Variants in ADGRB2 observed in about 807,000 individuals in gnomAD.
ADGRB2 encodes the protein brain-specific angiogenesis inhibitor 2.
A neutral mutation model predicts 178.7 loss-of-function variants in ADGRB2; 47 were observed. The ratio of observed to expected loss-of-function variants is 0.26; its 90% CI spans 0.21 to 0.34. The LOEUF (loss-of-function observed/expected upper bound fraction) is 0.34, where lower values mean the gene tolerates loss of function less well. Ranked by LOEUF, ADGRB2 falls within the 10% of genes least tolerant of loss-of-function variation. The probability of loss-of-function intolerance (pLI) is 1.00; values close to 1 mark genes in which losing one functional copy is unlikely to be tolerated. For synonymous variants in ADGRB2, 870 were observed against 912.4 expected (o/e 0.95, Z 0.84); for missense variants, 1,584 against 2,180.8 (o/e 0.73, Z 5.45).
chr1:31,756,919 G>T lies in ADGRB2; in HGVS notation c.22-104C>A. The T allele has an allele frequency of 2.4e-6, 3 of 1,231,908 alleles. No individual in the cohort carries two copies. Among genetic ancestry groups the T allele is most frequent in the Non-Finnish European group, 3.3e-6 (3 of 902,484 alleles). The allele number at this position is 1,231,908 out of a possible 1,614,324, so 76.3% of individuals were successfully genotyped here. A position where few individuals can be genotyped will look rare whatever the true frequency, so the allele number is the denominator to read the frequency against. On this transcript the variant is annotated intron_variant, in intron 3 of 32. Transcript: ENST00000373658. This position sits in a 1 kb window ranked among gnomAD's most constrained non-coding sequence, Gnocchi z 8.5. ...GTGGGCCTCATAAGTTAAGACCCTG[G>T]TCTTTGAAGTGTCACCTGGGTCCAC...
intron 29 of ADGRB2, among the ~76,000 whole-genome samples, chr1:31,729,903 G>A (rs187605699): frequency 1.3e-5 from 2 of 152,382 alleles, no homozygotes; most frequent in East Asian, 3.9e-4. Flanking sequence ...GGCACCAAAT[G>A]TTCCAGAAAC....
intron 25 of ADGRB2, among the ~76,000 whole-genome samples, chr1:31,734,706 T>C (rs964594721): frequency 2.0e-5 from 3 of 152,222 alleles, no homozygotes; most frequent in African/African-American, 7.2e-5. Flanking sequence ...CTGTCTCCAA[T>C]TGAGTGTGAG....
intron 14 of ADGRB2, 45 bp downstream of exon 14, chr1:31,739,881 G>A (rs767726578): frequency 6.4e-7 from 1 of 1,555,322 alleles, no homozygotes; most frequent in Non-Finnish European, 8.9e-7. Context: ...AACGTCTTGA[G>A]TTCTGGCACA....
chr1:31,731,459 A>G lies in ADGRB2; in HGVS notation c.3761-40T>C, dbSNP rs199710597. 2.0e-6 allele frequency: 3 copies of G among 1,530,856 alleles called. No homozygotes were observed. The South Asian group carries it at 3.9e-5, about 20-fold the overall frequency. 94.8% of individuals were successfully genotyped at this position (1,530,856 alleles called of 1,614,324 possible). On this transcript the variant is annotated intron_variant, in intron 28 of 32. Transcript: ENST00000373658. Reference sequence around the variant, plus strand: ...GGGAGGGAGGGGGTGAGTCCTGAGGAGAAGGAACCTCCAGATGCCATTGCC... The same window carrying G: ...GGGAGGGAGGGGGTGAGTCCTGAGGGGAAGGAACCTCCAGATGCCATTGCC...
Position 31,731,251 on chromosome 1 carries a change from G to T in ADGRB2, c.3929C>A (p.Pro1310Gln). Reference sequence around the variant, plus strand: ...TGGGGGCGGAGGCTCCCCCAGCCCTGGTGAGGCTGCCATGGGCACCAGGAT... The same window carrying T: ...TGGGGGCGGAGGCTCCCCCAGCCCTTGTGAGGCTGCCATGGGCACCAGGAT... ...GNILVPMAAS[P>Q]GLGEPPPPQE... is the part of the protein sequence containing the mutation. Residue 1310 changes from proline to glutamine, a missense_variant, in exon 29 of 33, where the codon CCA becomes CAA. Physicochemically the swap from Pro to Gln is moderately conservative, Grantham distance 76. This residue lies in a region of ADGRB2 where 865 missense variants were observed against 1,192.8 expected (regional missense o/e 0.73). Coordinates refer to ENST00000373658, the MANE Select transcript of ADGRB2 (RefSeq NM_001364857.2). The T allele has an allele frequency of 6.2e-7, 1 of 1,608,992 alleles. No individual in the cohort carries two copies. The highest frequency in any genetic ancestry group is 2.2e-5 in the East Asian group (1 of 44,680).
intron 20 of ADGRB2, among the ~76,000 whole-genome samples, chr1:31,737,006 C>T (rs1461137500): frequency 1.3e-5 from 2 of 152,226 alleles, no homozygotes; most frequent in African/African-American, 4.8e-5. Flanking sequence ...CCTGCCACGT[C>T]ACAGCTGGGC....
intron 8 of ADGRB2, 36 bp from the exon 9 acceptor site, chr1:31,742,003 T>A: frequency 6.3e-7 from 1 of 1,584,022 alleles, no homozygotes; most frequent in Non-Finnish European, 8.6e-7. Context: ...TGGGCCCAGG[T>A]ACCCCCATGG....
chr1:31,763,384 T>C lies in ADGRB2; in HGVS notation c.-191+500A>G, dbSNP rs561134746. Among the ~76,000 whole-genome samples, 10 of 146,138 alleles carry C rather than the reference T, an allele frequency of 6.8e-5. No homozygotes were observed. The South Asian group carries it at 2.2e-3, about 32-fold the overall frequency. ...GGAGGGTAGAAACTATGGGCAGACA[T>C]GGATGGGGACAGGAAAGACTCCGGG... On this transcript the variant is annotated intron_variant, in intron 1 of 32. Transcript: ENST00000373658.
chr1:31,748,711 C>T (rs1569990897), intron 4 of ADGRB2, among the ~76,000 whole-genome samples: 1 of 152,270 alleles, frequency 6.6e-6, no homozygotes, highest in Non-Finnish European at 1.5e-5. Flanking sequence ...GCTTTCCCGT[C>T]GGGCTGCCAG....
In ADGRB2 at chr1:31,740,270, ACT is replaced by A. The variant is rs1645866632; in HGVS notation, c.1989+75_1989+76del. ...GCCACACTTGCCGCCTCTACAGCAGACTCTGCCTAGGGGCCTGGCCTCCCGCT... is the reference window on the plus strand; with the variant it reads ...GCCACACTTGCCGCCTCTACAGCAGACTGCCTAGGGGCCTGGCCTCCCGCT... On this transcript the variant is annotated intron_variant, in intron 12 of 32. Coordinates refer to ENST00000373658, the MANE Select transcript of ADGRB2 (RefSeq NM_001364857.2). The surrounding 1 kb of genome is among the most constrained non-coding windows in gnomAD (Gnocchi z 5.9). 7 of 1,606,406 alleles carry A rather than the reference ACT, an allele frequency of 4.4e-6. No homozygotes were observed. The Admixed American group carries it at 1.2e-4, about 27-fold the overall frequency.
rs1236189514 is a variant in ADGRB2 at position 31,764,080 on chromosome 1, G to A, written c.-387C>T. The A allele has an allele frequency of 5.8e-6, 2 of 345,460 alleles. No individual in the cohort carries two copies. The highest frequency in any genetic ancestry group is 8.0e-6 in the Non-Finnish European group (2 of 250,980). The allele number at this position is 345,460 out of a possible 1,614,324, so 21.4% of individuals were successfully genotyped here. ...CGGAGCAGCGCGGGGCGGGCGGGCG[G>A]GCGGCGCCGGGCCGGGCGCGGGCTC... On this transcript the variant is annotated 5_prime_UTR_variant, in exon 1 of 33. Coordinates refer to ENST00000373658, the MANE Select transcript of ADGRB2 (RefSeq NM_001364857.2). This position sits in a 1 kb window ranked among gnomAD's most constrained non-coding sequence, Gnocchi z 7.3.
rs372595501 is a variant in ADGRB2 at position 31,736,317 on chromosome 1, G to T, written c.3200+4C>A. 5 of 1,613,806 alleles carry T rather than the reference G, an allele frequency of 3.1e-6. No individual in the cohort carries two copies. The highest frequency in any genetic ancestry group is 4.2e-6 in the Non-Finnish European group (5 of 1,179,900). Reference sequence around the variant, plus strand: ...CTACCACCCACCACGGGAGGCCCACGTACTAGCTGGATGTACCGTATCCTT... The same window carrying T: ...CTACCACCCACCACGGGAGGCCCACTTACTAGCTGGATGTACCGTATCCTT... On this transcript the variant is annotated splice_donor_region_variant and intron_variant, in intron 22 of 32. Coordinates refer to ENST00000373658, the MANE Select transcript of ADGRB2 (RefSeq NM_001364857.2).
chr1:31,739,083 G>A, intron 15 of ADGRB2, 146 bp from the exon 16 acceptor site: 1 of 845,034 alleles, frequency 1.2e-6, no homozygotes, highest in East Asian at 2.6e-5. Flanking sequence ...CAGGACTTCA[G>A]GTGAGGTCTA....
rs1019818543 is a variant in ADGRB2, at chr1:31,761,554, T to C, written c.-191+2330A>G. ...ACTTGAACCAAGACCCCAGAGACCATGGCCTGGCTTTCACTAACATCCCTC... is the reference window on the plus strand; with the variant it reads ...ACTTGAACCAAGACCCCAGAGACCACGGCCTGGCTTTCACTAACATCCCTC... On this transcript the variant is annotated intron_variant, in intron 1 of 32. Coordinates refer to ENST00000373658, the MANE Select transcript of ADGRB2 (RefSeq NM_001364857.2). The surrounding 1 kb of genome is among the most constrained non-coding windows in gnomAD (Gnocchi z 4.2). Among the ~76,000 whole-genome samples, 4 of 152,138 alleles carry C rather than the reference T, an allele frequency of 2.6e-5. No individual in the cohort carries two copies. The highest frequency in any genetic ancestry group is 2.1e-4 in the South Asian group (1 of 4,822).
chr1:31,738,955 A>G lies in ADGRB2; in HGVS notation c.2496-18T>C. ...GCGGGGGCCTGCGGGACAGGTACCG[A>G]AGTCAGCTCCTGCCAGCGGGTGCCA... On this transcript the variant is annotated intron_variant, in intron 15 of 32. Transcript: ENST00000373658. The G allele has an allele frequency of 1.3e-6, 2 of 1,588,700 alleles. No homozygotes were observed. The highest frequency in any genetic ancestry group is 1.7e-6 in the Non-Finnish European group (2 of 1,161,622).
chr1:31,751,446 GA>G (rs1289730810), intron 4 of ADGRB2, among the ~76,000 whole-genome samples: 3 of 152,156 alleles, frequency 2.0e-5, no homozygotes, highest in African/African-American at 7.2e-5. Context: ...TCACAGTTTA[GA>G]TGATAAATTA....
At position 31,756,696 on chromosome 1, in the gene ADGRB2, C is replaced by A. The variant is rs769213740; in HGVS notation, c.141G>T (p.Val47=). Reference sequence around the variant, plus strand: ...CCTGCAGCGAGAAGGCCCCGTAGAGCACACCCGAGGCCAGGGCAGAGCAGG... The same window carrying A: ...CCTGCAGCGAGAAGGCCCCGTAGAGAACACCCGAGGCCAGGGCAGAGCAGG... The part of the protein sequence containing the change: ...PSACSALASG[V]LYGAFSLQDL... The change falls in exon 4 of 33, where the codon GTG becomes GTT. Residue 47 remains valine, a synonymous_variant. Transcript: ENST00000373658. This position sits in a 1 kb window ranked among gnomAD's most constrained non-coding sequence, Gnocchi z 8.5. 1 of 1,606,280 alleles carries A rather than the reference C, an allele frequency of 6.2e-7. No individual in the cohort carries two copies. Among genetic ancestry groups the A allele is most frequent in the Non-Finnish European group, 8.5e-7 (1 of 1,176,734 alleles).
chr1:31,735,526 C>T lies in ADGRB2; in HGVS notation c.3353+54G>A, dbSNP rs1007368659. The T allele has an allele frequency of 5.7e-6, 9 of 1,582,432 alleles. No homozygotes were observed. The highest frequency in any genetic ancestry group is 7.8e-6 in the Non-Finnish European group (9 of 1,153,480). Reference sequence around the variant, plus strand: ...TGAGTCTCCAAGAGCACCCATGTCCCTCCCTCCCTGCACCATTTCCAGAAA... The same window carrying T: ...TGAGTCTCCAAGAGCACCCATGTCCTTCCCTCCCTGCACCATTTCCAGAAA... On this transcript the variant is annotated intron_variant, in intron 24 of 32. Coordinates refer to ENST00000373658, the MANE Select transcript of ADGRB2 (RefSeq NM_001364857.2). The surrounding 1 kb of genome is among the most constrained non-coding windows in gnomAD (Gnocchi z 6.0).
intron 4 of ADGRB2, among the ~76,000 whole-genome samples, chr1:31,750,283 C>T (rs1646500536): frequency 6.6e-6 from 1 of 152,212 alleles, no homozygotes. Flanking sequence ...GGAAGGGTCT[C>T]AGTCTCCCAT....
Sources: allele counts gnomAD v4.1 joint callset (sites outside exome capture counted in the v4.1 genomes callset), GRCh38; gene constraint gnomAD v4.1.1; regional missense constraint gnomAD v4.1.1; non-coding constraint Gnocchi (gnomAD v3.1); transcripts MANE v1.5; gene names NCBI Gene and HGNC (gene_info 2026-07-23, HGNC 2026-07-21).